The following SKAP2 variants were observed in gnomAD, a reference collection of about 807,000 sequenced individuals.
SKAP2 encodes src kinase associated phosphoprotein 2.
In SKAP2, 28 loss-of-function variants were observed where a neutral mutation model predicts 54.9. The observed-to-expected ratio is 0.51, with a 90% CI of 0.38 to 0.70. The LOEUF (loss-of-function observed/expected upper bound fraction) is 0.70, where lower values mean the gene tolerates loss of function less well. Among genes scored for constraint, SKAP2 ranks in the 30% least tolerant of loss-of-function variants. The pLI is 0.00. For synonymous variants in SKAP2, 137 were observed against 134.3 expected, an observed-to-expected ratio of 1.02 and a Z score of -0.14; for missense variants, 356 against 424.1, an observed-to-expected ratio of 0.84 and a Z score of 1.41.
chr7:26,782,169 T>C (rs1273400127), intron 4 of SKAP2, among the ~76,000 whole-genome samples: 1 of 152,214 alleles, frequency 6.6e-6, no homozygotes, highest in African/African-American at 2.4e-5. Flanking sequence ...AAATATGCTA[T>C]AAGCCATTAT....
At chr7:26,843,336 C>A (rs1161163945) in intron 4 of SKAP2, among the ~76,000 whole-genome samples, 1 of 152,068 alleles carries the variant, frequency 6.6e-6, no homozygotes, top group Non-Finnish European at 1.5e-5. Context: ...CTATATATTA[C>A]CCTTATAAGG....
chr7:26,840,827 C>T (rs781573108), intron 4 of SKAP2, among the ~76,000 whole-genome samples: 16 of 151,942 alleles, frequency 1.1e-4, no homozygotes, highest in Non-Finnish European at 1.8e-4. Flanking sequence ...AAATAAAATA[C>T]AGACTCTTAT....
intron 4 of SKAP2, among the ~76,000 whole-genome samples, chr7:26,799,138 GGCAAGGCA>G (rs1208806588): frequency 6.6e-6 from 1 of 151,638 alleles, no homozygotes; most frequent in Non-Finnish European, 1.5e-5. Context: ...GGCAAGGCAA[GGCAAGGCA>G]AGACAACACC....
At chr7:26,782,408 T>C (rs977278554) in intron 4 of SKAP2, among the ~76,000 whole-genome samples, 2 of 152,210 alleles carry the variant, frequency 1.3e-5, no homozygotes, top group Admixed American at 1.3e-4. Flanking sequence ...CTTTAAAAAG[T>C]TAACTGAAAA....
intron 6 of SKAP2, among the ~76,000 whole-genome samples, chr7:26,734,376 G>T (rs558910696): frequency 1.3e-5 from 2 of 152,054 alleles, no homozygotes; most frequent in African/African-American, 2.4e-5. Flanking sequence ...TACCAACCTG[G>T]TCTAATCCAC....
At chr7:26,782,007 G>T (rs1418464883) in intron 4 of SKAP2, among the ~76,000 whole-genome samples, 1 of 152,180 alleles carries the variant, frequency 6.6e-6, no homozygotes, top group South Asian at 2.1e-4. Flanking sequence ...AGAACTTGTA[G>T]ATAATACTGA....
At chr7:26,800,511 A>G (rs1212885292) in intron 4 of SKAP2, among the ~76,000 whole-genome samples, 1 of 145,958 alleles carries the variant, frequency 6.9e-6, no homozygotes, top group Non-Finnish European at 1.5e-5. Flanking sequence ...TAAAGACCAG[A>G]GCAGAAATAA....
intron 4 of SKAP2, 92 bp from the exon 5 acceptor site, chr7:26,740,056 T>C: frequency 1.3e-6 from 1 of 745,368 alleles, no homozygotes; most frequent in Non-Finnish European, 2.2e-6. Flanking sequence ...AGTGTGCTTT[T>C]AATTACTGAA....
At chr7:26,773,325 G>A (rs533373614) in intron 4 of SKAP2, among the ~76,000 whole-genome samples, 81 of 152,242 alleles carry the variant, frequency 5.3e-4, no homozygotes, top group South Asian at 1.2e-3. Flanking sequence ...GCTGGTTATC[G>A]GAATTGAGAT....
At chr7:26,711,930 T>C (rs570049666) in intron 9 of SKAP2, among the ~76,000 whole-genome samples, 15 of 152,160 alleles carry the variant, frequency 9.9e-5, no homozygotes, top group African/African-American at 3.6e-4. Context: ...GAGCCAGGGA[T>C]GGATGATGTT....
chr7:26,864,183 C>T (rs1225629583), intron 1 of SKAP2, among the ~76,000 whole-genome samples, 180 bp downstream of exon 1: 1 of 151,940 alleles, frequency 6.6e-6, no homozygotes, highest in African/African-American at 2.4e-5. Flanking sequence ...ACACACACGT[C>T]CACTCCCTTT....
Position 26,667,443 on chromosome 7 carries a change from T to C in SKAP2, c.*2223A>G, listed in dbSNP as rs549504830. The C allele has an allele frequency of 2.9e-4, 44 of 152,504 alleles. No homozygotes were observed. Among genetic ancestry groups the C allele is most frequent in the African/African-American group, 9.9e-4 (41 of 41,586 alleles). The allele number at this position is 152,504 out of a possible 1,614,324, so 9.4% of individuals were successfully genotyped here. On this transcript the variant is annotated 3_prime_UTR_variant, in exon 13 of 13. Coordinates refer to ENST00000345317, the MANE Select transcript of SKAP2 (RefSeq NM_003930.5). ...CAAATGAATATAAAGCAGTCATGAA[T>C]TGAAAGTAATGATTATTTGTCCTGT...
Position 26,857,357 on chromosome 7 carries a change from C to T in SKAP2, c.68-2467G>A, listed in dbSNP as rs140860751. 2.0e-4 allele frequency: 84 copies of T among 427,672 alleles called. No individual in the cohort carries two copies. In the East Asian group the frequency reaches 7.4e-3, roughly 38 times the overall value. The allele number at this position is 427,672 out of a possible 1,614,324, so 26.5% of individuals were successfully genotyped here. ...AAAACTTTAAACTGGAAGCAGTTCC[C>T]GAAATAATTTTAGTTTGTTGACTGT... On this transcript the variant is annotated intron_variant, in intron 1 of 12. Coordinates refer to ENST00000345317, the MANE Select transcript of SKAP2 (RefSeq NM_003930.5).
intron 9 of SKAP2, among the ~76,000 whole-genome samples, chr7:26,722,873 T>C (rs1419638710): frequency 6.6e-6 from 1 of 152,242 alleles, no homozygotes; most frequent in Non-Finnish European, 1.5e-5. Context: ...TAGATTTCTC[T>C]TCAAATACAT....
downstream of SKAP2, among the ~76,000 whole-genome samples, chr7:26,664,847 CAT>C (rs993068181): frequency 3.9e-5 from 6 of 151,918 alleles, no homozygotes; most frequent in Admixed American, 3.9e-4. Context: ...CGCCTTTGCA[CAT>C]AGTCAAGTGT....
chr7:26,780,145 T>C (rs117419258), intron 4 of SKAP2, among the ~76,000 whole-genome samples: 2 of 152,210 alleles, frequency 1.3e-5, no homozygotes, highest in East Asian at 3.9e-4. Flanking sequence ...GCTTAACCTC[T>C]CTGTGCTGAT....
At chr7:26,662,190 A>C (rs574359336), downstream of SKAP2, among the ~76,000 whole-genome samples, 29 of 152,282 alleles carry the variant, frequency 1.9e-4, no homozygotes, top group East Asian at 5.6e-3. Flanking sequence ...ACTCTGTAAA[A>C]GACGTTCACA....
At chr7:26,805,190 T>A (rs1023772074) in intron 4 of SKAP2, among the ~76,000 whole-genome samples, 12 of 152,160 alleles carry the variant, frequency 7.9e-5, no homozygotes, top group Admixed American at 1.3e-4. Context: ...CCCTGTCTCT[T>A]TAAAATAAAA....
At chr7:26,864,055 T>TCACTCACACACA (rs1554310126) in intron 1 of SKAP2, among the ~76,000 whole-genome samples, 2 of 143,332 alleles carry the variant, frequency 1.4e-5, no homozygotes, top group African/African-American at 5.3e-5. Flanking sequence ...CGCCCTTCTG[T>TCACTCACACACA]CACACACACA....
Sources: gnomAD v4.1 joint callset for allele counts (sites outside exome capture counted in the v4.1 genomes callset) on GRCh38, gnomAD v4.1.1 for gene constraint, MANE v1.5 for transcripts, NCBI Gene and HGNC (gene_info 2026-07-23, HGNC 2026-07-21) for gene names.